Variants in STK33 observed in about 807,000 individuals in gnomAD.
STK33 encodes the protein serine/threonine-protein kinase 33.
A neutral mutation model predicts 58.0 loss-of-function variants in STK33; 52 were observed. That is an observed-to-expected ratio of 0.90 (90% CI 0.72 to 1.13). STK33 has a LOEUF of 1.13. Among genes scored for constraint, STK33 ranks in the 50% most tolerant of loss-of-function variants. STK33 has a pLI of 0.00. For synonymous variants in STK33, 215 were observed against 200.1 expected, an observed-to-expected ratio of 1.07 and a Z score of -0.63; for missense variants, 630 against 604.2, an observed-to-expected ratio of 1.04 and a Z score of -0.45.
chr11:8,481,273 C>A (rs1342914012), intron 1 of STK33, among the ~76,000 whole-genome samples: 9 of 152,204 alleles, frequency 5.9e-5, no homozygotes, highest in Non-Finnish European at 1.3e-4. Context: ...AAAACACCAA[C>A]AACAGATTCC....
chr11:8,576,258 T>C (rs1335294334), intron 1 of STK33, among the ~76,000 whole-genome samples: 2 of 152,198 alleles, frequency 1.3e-5, no homozygotes, highest in African/African-American at 2.4e-5. Flanking sequence ...TTAGTGATCA[T>C]ACTTTGCATG....
At chr11:8,390,540 A>G (rs1848606219), downstream of STK33, among the ~76,000 whole-genome samples, 1 of 152,238 alleles carries the variant, frequency 6.6e-6, no homozygotes, top group African/African-American at 2.4e-5. Context: ...TGTGTTCTAC[A>G]CAACGAAGTA....
chr11:8,408,735 A>G (rs1164292189), intron 15 of STK33, among the ~76,000 whole-genome samples: 2 of 152,234 alleles, frequency 1.3e-5, no homozygotes, highest in East Asian at 3.8e-4. Flanking sequence ...ACTCATGGCT[A>G]TGACTTATTA....
intron 1 of STK33, among the ~76,000 whole-genome samples, chr11:8,569,352 T>G (rs1356244746): frequency 6.6e-6 from 1 of 152,116 alleles, no homozygotes; most frequent in Non-Finnish European, 1.5e-5. Flanking sequence ...GGCAAAGCAA[T>G]TCAACAACAC....
Position 8,413,609 on chromosome 11 carries a change from T to C in STK33, c.1230A>G (p.Glu410=). 6.2e-7 allele frequency: 1 copy of C among 1,614,072 alleles called. No homozygotes were observed. The highest frequency in any genetic ancestry group is 8.5e-7 in the Non-Finnish European group (1 of 1,179,946). ...GCTTATTCTTCTCTTCTGTTGTGTT[T>C]TCCTCAACACTTTCTGGGTTATTTT... is the stretch of plus-strand genomic sequence containing the variant. The part of the protein sequence containing the change: ...EWKNNPESVE[E]NTTEEKNKPS... The change falls in exon 15 of 16, where the codon GAA becomes GAG. Residue 410 remains glutamate (E), a synonymous_variant. Coordinates refer to ENST00000687296, the MANE Select transcript of STK33 (RefSeq NM_001352389.2).
At chr11:8,432,311 G>A (rs1456110987) in intron 14 of STK33, among the ~76,000 whole-genome samples, 1 of 152,092 alleles carries the variant, frequency 6.6e-6, no homozygotes, top group African/African-American at 2.4e-5. Flanking sequence ...GGAATACCAA[G>A]GCAATTATCT....
At chr11:8,428,008 T>C (rs1462813719) in intron 14 of STK33, among the ~76,000 whole-genome samples, 1 of 152,114 alleles carries the variant, frequency 6.6e-6, no homozygotes, top group Non-Finnish European at 1.5e-5. Flanking sequence ...CCTTGGGAGA[T>C]CAAGGAAGAG....
At chr11:8,363,938 G>A in the STK33 span, among the ~76,000 whole-genome samples, 1 of 152,166 alleles carries the variant, frequency 6.6e-6, no homozygotes. Context: ...AACAGTGCTG[G>A]TCGTGTCACT....
At chr11:8,477,379 T>C (rs963674858) in intron 2 of STK33, 96 bp from the exon 3 acceptor site, 1 of 152,186 alleles carries the variant, frequency 6.6e-6, no homozygotes, top group Non-Finnish European at 1.5e-5. Flanking sequence ...ATAGGCTTTC[T>C]GTTTGGGAAA....
At chr11:8,460,326 T>C (rs570916911) in intron 8 of STK33, among the ~76,000 whole-genome samples, 1 of 152,132 alleles carries the variant, frequency 6.6e-6, no homozygotes, top group East Asian at 1.9e-4. Flanking sequence ...AAACAGTTAT[T>C]ATAACTCTAT....
the STK33 span, among the ~76,000 whole-genome samples, chr11:8,364,929 A>ACC: frequency 2.3e-3 from 335 of 146,158 alleles, no homozygotes; most frequent in African/African-American, 7.6e-3. Flanking sequence ...ATTTCATGTG[A>ACC]CCCCCCCCGC....
intron 7 of STK33, among the ~76,000 whole-genome samples, chr11:8,464,017 C>T (rs1481133828): frequency 6.6e-6 from 1 of 152,096 alleles, no homozygotes; most frequent in African/African-American, 2.4e-5. Context: ...TAAAACCTAC[C>T]ATTTTGTTTT....
At chr11:8,565,801 C>T (rs939088518) in intron 1 of STK33, 2 of 152,212 alleles carry the variant, frequency 1.3e-5, no homozygotes, top group African/African-American at 4.8e-5. Context: ...ATCCTGTCTG[C>T]TTCTGCCTAT....
the STK33 span, among the ~76,000 whole-genome samples, chr11:8,376,620 C>T: frequency 6.6e-6 from 1 of 152,028 alleles, no homozygotes; most frequent in Non-Finnish European, 1.5e-5. Context: ...CAGCTCACTG[C>T]AACTTCTGCC....
the STK33 span, among the ~76,000 whole-genome samples, chr11:8,338,646 G>A: frequency 6.6e-6 from 1 of 152,100 alleles, no homozygotes; most frequent in East Asian, 1.9e-4. Flanking sequence ...AAACCACCCT[G>A]GTTGGCCAAA....
chr11:8,531,972 T>G (rs1254657945), intron 1 of STK33, among the ~76,000 whole-genome samples: 3 of 152,208 alleles, frequency 2.0e-5, no homozygotes, highest in African/African-American at 7.2e-5. Flanking sequence ...AGAAAAGTGA[T>G]TAAAGATCAG....
chr11:8,452,770 A>G (rs1946432720), intron 11 of STK33, 52 bp downstream of exon 11: 1 of 1,524,670 alleles, frequency 6.6e-7, no homozygotes, highest in African/African-American at 1.4e-5. Flanking sequence ...CCTGGGCAAC[A>G]GAGGATGATC....
At chr11:8,442,061 ACACACACT>A (rs1038214338) in intron 11 of STK33, among the ~76,000 whole-genome samples, 1 of 150,874 alleles carries the variant, frequency 6.6e-6, no homozygotes, top group African/African-American at 2.4e-5. Flanking sequence ...ACACACACAC[ACACACACT>A]TTTATGACTA....
Position 8,435,559 on chromosome 11 carries a change from G to A in STK33, c.1081C>T (p.Leu361Phe). 6.7e-7 allele frequency: 1 copy of A among 1,496,548 alleles called. No homozygotes were observed. The highest frequency in any genetic ancestry group is 9.0e-7 in the Non-Finnish European group (1 of 1,112,508). 92.7% of individuals were successfully genotyped at this position (1,496,548 alleles called of 1,614,324 possible). Reference protein sequence around the residue: ...SDCAKSVLKQLMKVDPAHRIT... With the variant: ...SDCAKSVLKQFMKVDPAHRIT... The stretch of plus-strand genomic sequence containing the variant: ...CTGTGAGCAGGATCTACTTTCATAA[G>A]TTGTTTCAAAACACTTTTAGCTAAA... Residue 361 changes from leucine to phenylalanine, a missense_variant, in exon 14 of 16, where the codon CTT becomes TTT. By Grantham distance (22) the Leu-to-Phe change is conservative. Transcript: ENST00000687296.
Sources: gnomAD v4.1 joint callset for allele counts (sites outside exome capture counted in the v4.1 genomes callset) on GRCh38, gnomAD v4.1.1 for gene constraint, MANE v1.5 for transcripts, NCBI Gene and HGNC (gene_info 2026-07-23, HGNC 2026-07-21) for gene names.